SLC14A2: variants seen among roughly 807,000 people sequenced by gnomAD.
SLC14A2 encodes the protein solute carrier family 14 member 2.
SLC14A2 carries 91 observed loss-of-function variants against 104.6 expected under a neutral mutation model. The ratio of observed to expected loss-of-function variants is 0.87; its 90% CI spans 0.73 to 1.04. The LOEUF (loss-of-function observed/expected upper bound fraction) is 1.04. Among genes scored for constraint, SLC14A2 ranks in the 50% least tolerant of loss-of-function variants. The pLI, the probability that SLC14A2 is intolerant of heterozygous loss-of-function variation, is 0.00. For synonymous variants in SLC14A2, 476 were observed against 466.4 expected (o/e 1.02, Z -0.27); for missense variants, 1,189 against 1,156.0 (o/e 1.03, Z -0.41).
intron 1 of SLC14A2, among the ~76,000 whole-genome samples, chr18:45,240,657 TTTTTGG>T (rs2084306083): frequency 6.7e-6 from 1 of 149,812 alleles, no homozygotes; most frequent in African/African-American, 2.5e-5. Flanking sequence ...TTTGTTTTTG[TTTTTGG>T]TTTTGCCTTT....
chr18:45,553,435 G>A (rs962173368), intron 2 of SLC14A2, among the ~76,000 whole-genome samples: 2 of 152,170 alleles, frequency 1.3e-5, no homozygotes, highest in Admixed American at 1.3e-4. Context: ...GTGGGCAATA[G>A]TGTTGATGGG....
At chr18:45,673,117 C>T (rs1346410362) in intron 17 of SLC14A2, 70 bp downstream of exon 17, 1 of 1,423,340 alleles carries the variant, frequency 7.0e-7, no homozygotes, top group Non-Finnish European at 9.7e-7. Flanking sequence ...AAAATGGTGA[C>T]TCTCATCTTC....
chr18:45,356,003 C>G (rs1044512778), intron 1 of SLC14A2, among the ~76,000 whole-genome samples: 1 of 152,176 alleles, frequency 6.6e-6, no homozygotes, highest in Non-Finnish European at 1.5e-5. Context: ...GGTTGGGGAA[C>G]AGTCCAGGAC....
intron 1 of SLC14A2, among the ~76,000 whole-genome samples, chr18:45,264,080 G>C (rs1036971128): frequency 1.3e-5 from 2 of 152,020 alleles, no homozygotes; most frequent in African/African-American, 4.8e-5. Flanking sequence ...CTATCTATTA[G>C]AATCAAAGGT....
Position 45,609,233 on chromosome 18 carries a change from T to A in SLC14A2, c.-34-15398T>A, listed in dbSNP as rs1048365901. 7.2e-5 allele frequency among the ~76,000 whole-genome samples: 11 copies of A among 152,174 alleles called. No individual in the cohort carries two copies. In the South Asian group the frequency reaches 1.0e-3, roughly 14 times the overall value. On this transcript the variant is annotated intron_variant, in intron 2 of 20. Transcript: ENST00000586448. ...TTCCTGCCATCACACCTACTGCTCC[T>A]GCACTGTGGCTTCATTTTCTCTCCT...
At chr18:45,327,088 C>A (rs1406763286) in intron 1 of SLC14A2, among the ~76,000 whole-genome samples, 1 of 152,104 alleles carries the variant, frequency 6.6e-6, no homozygotes, top group African/African-American at 2.4e-5. Context: ...TTAGGAAATT[C>A]CTGGCAGTGG....
At chr18:45,240,054 G>A (rs1400938077) in intron 1 of SLC14A2, among the ~76,000 whole-genome samples, 1 of 146,876 alleles carries the variant, frequency 6.8e-6, no homozygotes, top group African/African-American at 2.5e-5. Flanking sequence ...TGGGTATTGT[G>A]AATAGTGCTG....
chr18:45,213,922 C>T (rs1319990126), intron 1 of SLC14A2, among the ~76,000 whole-genome samples: 4 of 152,112 alleles, frequency 2.6e-5, no homozygotes, highest in Non-Finnish European at 5.9e-5. Flanking sequence ...GTTTCACAGT[C>T]GTCAGACCAA....
intron 1 of SLC14A2, among the ~76,000 whole-genome samples, chr18:45,228,451 G>T (rs781545587): frequency 2.0e-5 from 3 of 152,114 alleles, no homozygotes; most frequent in Non-Finnish European, 4.4e-5. Flanking sequence ...GGCCTGCTTT[G>T]TCTCTGGGGT....
chr18:45,407,770 G>A lies in SLC14A2; in HGVS notation c.-124-75463G>A, dbSNP rs530490775. Among the ~76,000 whole-genome samples the A allele has an allele frequency of 2.0e-5, 3 of 152,252 alleles. No individual in the cohort carries two copies. In the South Asian group the frequency reaches 6.2e-4, roughly 32 times the overall value. On this transcript the variant is annotated intron_variant, in intron 1 of 20. Transcript: ENST00000586448. ...GAGGCCAAGGAGAGAGAGAGGTGAG[G>A]AAATGGCCATCAGTGGAGCAGCCAG...
chr18:45,419,238 C>A (rs2144513964), intron 1 of SLC14A2, among the ~76,000 whole-genome samples: 1 of 152,228 alleles, frequency 6.6e-6, no homozygotes, highest in South Asian at 2.1e-4. Flanking sequence ...TGGAATTGTG[C>A]CGGGAACCCA....
At chr18:45,505,934 C>T (rs1035677033) in intron 2 of SLC14A2, among the ~76,000 whole-genome samples, 6 of 152,076 alleles carry the variant, frequency 3.9e-5, no homozygotes, top group African/African-American at 7.2e-5. Context: ...GATTTCTCTC[C>T]GCAGAACTAG....
At chr18:45,208,559 G>A (rs1007146295), upstream of SLC14A2, among the ~76,000 whole-genome samples, 1 of 152,196 alleles carries the variant, frequency 6.6e-6, no homozygotes, top group Non-Finnish European at 1.5e-5. Context: ...GTTAAAGGCA[G>A]GGGACTCAGG....
chr18:45,673,917 T>A, intron 18 of SLC14A2, 100 bp downstream of exon 18: 4 of 1,214,864 alleles, frequency 3.3e-6, no homozygotes, highest in Non-Finnish European at 4.6e-6. Context: ...ATTAATAGAT[T>A]AAACACTATT....
chr18:45,380,113 C>A (rs1198094263), intron 1 of SLC14A2, among the ~76,000 whole-genome samples: 2 of 152,206 alleles, frequency 1.3e-5, no homozygotes, highest in African/African-American at 4.8e-5. Flanking sequence ...GATGGCACCA[C>A]AACACTTTCT....
At chr18:45,534,391 C>A (rs1255514291) in intron 2 of SLC14A2, among the ~76,000 whole-genome samples, 1 of 152,130 alleles carries the variant, frequency 6.6e-6, no homozygotes, top group African/African-American at 2.4e-5. Flanking sequence ...ACAGACGCGA[C>A]ATGCCTGGGA....
intron 1 of SLC14A2, among the ~76,000 whole-genome samples, chr18:45,276,632 C>G (rs2084705673): frequency 6.6e-6 from 1 of 152,092 alleles, no homozygotes. Context: ...TAGACATTAC[C>G]TATGTTAACA....
At chr18:45,202,204 G>A in the SLC14A2 span, among the ~76,000 whole-genome samples, 1 of 152,078 alleles carries the variant, frequency 6.6e-6, no homozygotes, top group African/African-American at 2.4e-5. Flanking sequence ...TATTTGTAAG[G>A]TTCCCCAACA....
intron 2 of SLC14A2, among the ~76,000 whole-genome samples, chr18:45,564,383 C>A (rs1314733315): frequency 6.6e-6 from 1 of 152,214 alleles, no homozygotes; most frequent in Non-Finnish European, 1.5e-5. Context: ...ATACTCAGGT[C>A]TCTGTACAAC....
Sources: gnomAD v4.1 joint callset for allele counts (sites outside exome capture counted in the v4.1 genomes callset) on GRCh38, gnomAD v4.1.1 for gene constraint, MANE v1.5 for transcripts, NCBI Gene and HGNC (gene_info 2026-07-23, HGNC 2026-07-21) for gene names.